PCDH19: variants seen among roughly 807,000 people sequenced by gnomAD.
PCDH19 encodes protocadherin 19.
In PCDH19, 6 loss-of-function variants were observed where a neutral mutation model predicts 46.2. The ratio of observed to expected loss-of-function variants is 0.13; its 90% CI spans 0.07 to 0.26. PCDH19 has a LOEUF of 0.26. Among genes scored for constraint, PCDH19 ranks in the 10% least tolerant of loss-of-function variants. The pLI is 1.00. For missense variants in PCDH19, 740 were observed against 972.3 expected (o/e 0.76, Z 3.18); for synonymous variants, 481 against 415.7 (o/e 1.16, Z -1.91).
chrX:100,313,451 T>A (rs1925193217), intron 5 of PCDH19, among the ~76,000 whole-genome samples: 1 of 112,055 alleles, frequency 8.9e-6, no homozygotes, highest in Admixed American at 9.5e-5. Context: ...ATATAAGATG[T>A]TGAACTCTAG....
At chrX:100,340,547 CTG>C (rs1051593033) in intron 5 of PCDH19, among the ~76,000 whole-genome samples, 3 of 111,824 alleles carry the variant, frequency 2.7e-5, no homozygotes, top group African/African-American at 9.7e-5. Flanking sequence ...AGTTATATAA[CTG>C]TTTAATTTTT....
intron 3 of PCDH19, among the ~76,000 whole-genome samples, chrX:100,376,235 CAA>C (rs1171817638): frequency 3.0e-5 from 1 of 32,909 alleles, no homozygotes; most frequent in Non-Finnish European, 5.6e-5. Context: ...AACTCCGTCT[CAA>C]AAAAAAAAAA....
rs975877696 is a variant in PCDH19 at position 100,314,184 on chromosome X, C to T, written c.2849-17309G>A. 5.4e-5 allele frequency among the ~76,000 whole-genome samples: 6 copies of T among 111,667 alleles called. No individual in the cohort carries two copies. In the South Asian group the frequency reaches 2.3e-3, roughly 42 times the overall value. On this transcript the variant is annotated intron_variant, in intron 5 of 5. Coordinates refer to ENST00000373034, the MANE Select transcript of PCDH19 (RefSeq NM_001184880.2). ...CGAACTGTTTGAAATGAGTCTAATT[C>T]CTTGTGTGATGGCTAATAAAAAGAA...
At chrX:100,387,501 T>C (rs1927748641) in intron 3 of PCDH19, among the ~76,000 whole-genome samples, 1 of 111,400 alleles carries the variant, frequency 9.0e-6, no homozygotes, top group Non-Finnish European at 1.9e-5. Flanking sequence ...AAAAAGCACT[T>C]CCCTCCAAAT....
At position 100,298,357 on chromosome X, in the gene PCDH19, G is replaced by A. The variant is rs776965517; in HGVS notation, c.2849-1482C>T. The stretch of plus-strand genomic sequence containing the variant: ...AAGGACCTAATCCAAGCTAAATCCA[G>A]ATTTCAACACAATTCTGGGCATGGC... On this transcript the variant is annotated intron_variant, in intron 5 of 5. Transcript: ENST00000373034. Among the ~76,000 whole-genome samples, 5 of 111,866 alleles carry A rather than the reference G, an allele frequency of 4.5e-5. No individual in the cohort carries two copies. In the South Asian group the frequency reaches 1.9e-3, roughly 42 times the overall value.
chrX:100,304,926 G>A (rs1420470695), intron 5 of PCDH19, among the ~76,000 whole-genome samples: 1 of 112,169 alleles, frequency 8.9e-6, no homozygotes, highest in Admixed American at 9.4e-5. Context: ...TTGGGACTAT[G>A]TTAAGCATCC....
At chrX:100,402,464 A>G (rs878916768) in intron 3 of PCDH19, 60 bp downstream of exon 3, 1 of 991,040 alleles carries the variant, frequency 1.0e-6, no homozygotes, top group South Asian at 2.0e-5. Flanking sequence ...TATGGTATCC[A>G]GCGAGCAGCT....
chrX:100,354,446 CCCAGGCACTG>C (rs1359098062), intron 3 of PCDH19, among the ~76,000 whole-genome samples: 1 of 111,734 alleles, frequency 8.9e-6, no homozygotes, highest in Non-Finnish European at 1.9e-5. Context: ...TGGAATTGGA[CCCAGGCACTG>C]GGTGATTTTT....
intron 3 of PCDH19, among the ~76,000 whole-genome samples, chrX:100,377,352 T>A (rs1290288601): frequency 8.9e-6 from 1 of 111,883 alleles, no homozygotes; most frequent in Non-Finnish European, 1.9e-5. Context: ...TCTAAGGTGC[T>A]TTAAATACGC....
chrX:100,350,795 G>A, intron 3 of PCDH19, 91 bp from the exon 4 acceptor site: 1 of 616,124 alleles, frequency 1.6e-6, no homozygotes, highest in Middle Eastern at 3.1e-4. Flanking sequence ...TTTCTTCTGG[G>A]TCAAGAAGCA....
intron 5 of PCDH19, among the ~76,000 whole-genome samples, chrX:100,317,684 T>C (rs1925352880): frequency 9.1e-6 from 1 of 110,083 alleles, no homozygotes; most frequent in Non-Finnish European, 1.9e-5. Flanking sequence ...CTTGAGAGTG[T>C]GGATGAGTCT....
In PCDH19 at chrX:100,346,525, G is replaced by A. The variant is rs765133091; in HGVS notation, c.2675+4121C>T. ...AACAAGCCTTCCAGGTGTTTCCAAT[G>A]CACATTAAAATCCAGAAATCACTGG... On this transcript the variant is annotated intron_variant, in intron 4 of 5. Coordinates refer to ENST00000373034, the MANE Select transcript of PCDH19 (RefSeq NM_001184880.2). 6.2e-5 allele frequency among the ~76,000 whole-genome samples: 7 copies of A among 112,017 alleles called. 1 individual carries two copies. The South Asian group carries it at 2.6e-3, about 42-fold the overall frequency.
At chrX:100,331,383 T>C (rs1925865324) in intron 5 of PCDH19, among the ~76,000 whole-genome samples, 1 of 112,338 alleles carries the variant, frequency 8.9e-6, no homozygotes, top group Admixed American at 9.5e-5. Context: ...ATCTATCCAC[T>C]GTGAGCTTTA....
At chrX:100,306,994 T>C (rs777346105) in intron 5 of PCDH19, among the ~76,000 whole-genome samples, 1 of 112,079 alleles carries the variant, frequency 8.9e-6, no homozygotes, top group Admixed American at 9.4e-5. Flanking sequence ...GTACCAATCC[T>C]ATTAACACTA....
chrX:100,321,400 A>G (rs769729999), intron 5 of PCDH19, among the ~76,000 whole-genome samples: 2 of 112,028 alleles, frequency 1.8e-5, no homozygotes, highest in Admixed American at 9.4e-5. Context: ...TGTGGAAGTT[A>G]TACCTGTTCA....
At chrX:100,304,804 G>A (rs1924887560) in intron 5 of PCDH19, among the ~76,000 whole-genome samples, 2 of 111,976 alleles carry the variant, frequency 1.8e-5, no homozygotes, top group African/African-American at 6.5e-5. Flanking sequence ...CAATAGAATT[G>A]AACAAAAGAA....
chrX:100,370,138 A>C (rs997758114), intron 3 of PCDH19, among the ~76,000 whole-genome samples: 3 of 112,056 alleles, frequency 2.7e-5, no homozygotes, highest in Non-Finnish European at 5.6e-5. Flanking sequence ...CTGGAAAAGA[A>C]AGGGAACAGA....
chrX:100,312,791 C>G (rs1925171772), intron 5 of PCDH19, among the ~76,000 whole-genome samples: 1 of 111,510 alleles, frequency 9.0e-6, no homozygotes, highest in Non-Finnish European at 1.9e-5. Context: ...GAGAAAGGCT[C>G]TTCCATCTGA....
At chrX:100,312,492 TTGAA>T (rs370564770) in intron 5 of PCDH19, among the ~76,000 whole-genome samples, 26 of 112,054 alleles carry the variant, frequency 2.3e-4, no homozygotes, top group African/African-American at 5.2e-4. Flanking sequence ...AAAATTTACT[TTGAA>T]TGATTCTTTT....
Sources: gnomAD v4.1 joint callset for allele counts (sites outside exome capture counted in the v4.1 genomes callset) on GRCh38, gnomAD v4.1.1 for gene constraint, MANE v1.5 for transcripts, NCBI Gene and HGNC (gene_info 2026-07-23, HGNC 2026-07-21) for gene names.